ABTB2: variants seen among roughly 807,000 people sequenced by gnomAD.
ABTB2 encodes ankyrin repeat and BTB/POZ domain-containing protein 2.
A neutral mutation model predicts 104.1 loss-of-function variants in ABTB2; 56 were observed. That is an observed-to-expected ratio of 0.54 (90% confidence interval 0.43 to 0.67). The LOEUF is 0.67. ABTB2 is among the 30% of genes least tolerant of loss of function. The pLI is 0.00. For missense variants in ABTB2, 1,279 were observed against 1,407.7 expected (o/e 0.91, Z 1.46); for synonymous variants, 606 against 608.2 (o/e 1.00, Z 0.05).
At chr11:34,159,771 G>T in intron 13 of ABTB2, 135 bp downstream of exon 13, 1 of 720,692 alleles carries the variant, frequency 1.4e-6, no homozygotes, top group Non-Finnish European at 2.4e-6. Flanking sequence ...GTGGGGCTCT[G>T]CTGCAATGTG....
intron 3 of ABTB2, among the ~76,000 whole-genome samples, chr11:34,190,274 A>C (rs867756890): frequency 5.8e-4 from 77 of 131,760 alleles, no homozygotes; most frequent in Middle Eastern, 4.0e-3. Context: ...TGCCCCCCCA[A>C]AAAAAAAAAA....
intron 1 of ABTB2, among the ~76,000 whole-genome samples, chr11:34,343,599 C>T (rs1482612444): frequency 4.0e-5 from 6 of 151,880 alleles, no homozygotes; most frequent in African/African-American, 1.2e-4. Flanking sequence ...CTCAGTCTCC[C>T]GAGTAGCTGG....
chr11:34,208,423 C>A (rs150068512), intron 1 of ABTB2, among the ~76,000 whole-genome samples: 2 of 152,058 alleles, frequency 1.3e-5, no homozygotes, highest in Non-Finnish European at 2.9e-5. Context: ...CGGAGGGAAC[C>A]GCATGCACCA....
chr11:34,330,359 C>T (rs1346028191), intron 1 of ABTB2, among the ~76,000 whole-genome samples: 1 of 152,186 alleles, frequency 6.6e-6, no homozygotes, highest in African/African-American at 2.4e-5. Flanking sequence ...CAGTTTCCTT[C>T]TTTGTAAAAT....
intron 1 of ABTB2, among the ~76,000 whole-genome samples, chr11:34,213,968 T>A (rs1209659460): frequency 6.6e-6 from 1 of 152,146 alleles, no homozygotes; most frequent in Non-Finnish European, 1.5e-5. Flanking sequence ...AAGAACTTAG[T>A]GACCCAGGGA....
intron 1 of ABTB2, among the ~76,000 whole-genome samples, chr11:34,339,298 A>T (rs1199306690): frequency 6.6e-6 from 1 of 152,130 alleles, no homozygotes; most frequent in East Asian, 1.9e-4. Flanking sequence ...TCCGGCAATG[A>T]GTGACTTAAG....
intron 3 of ABTB2, among the ~76,000 whole-genome samples, chr11:34,186,884 T>A (rs577100964): frequency 6.6e-6 from 1 of 152,304 alleles, no homozygotes; most frequent in African/African-American, 2.4e-5. Context: ...CACACCGCTC[T>A]GGGAAAAGGA....
chr11:34,227,566 T>C (rs975643822), intron 1 of ABTB2, among the ~76,000 whole-genome samples: 4 of 152,248 alleles, frequency 2.6e-5, no homozygotes, highest in Admixed American at 2.0e-4. Context: ...CCACATTTTG[T>C]TTATCTATTC....
intron 1 of ABTB2, among the ~76,000 whole-genome samples, chr11:34,354,023 C>T (rs1280569185): frequency 4.6e-5 from 7 of 152,134 alleles, no homozygotes; most frequent in Non-Finnish European, 8.8e-5. Flanking sequence ...ATTCATTGCC[C>T]CTCTACTAAA....
At chr11:34,194,925 C>T (rs982643873) in intron 3 of ABTB2, among the ~76,000 whole-genome samples, 4 of 152,014 alleles carry the variant, frequency 2.6e-5, no homozygotes, top group East Asian at 1.9e-4. Context: ...AACACATGCA[C>T]GTGTGTCTAC....
At chr11:34,275,757 T>C (rs886905126) in intron 1 of ABTB2, among the ~76,000 whole-genome samples, 6 of 152,242 alleles carry the variant, frequency 3.9e-5, no homozygotes, top group Admixed American at 1.3e-4. Context: ...CACAGAACAC[T>C]AAGGAATAAT....
chr11:34,336,056 A>G, intron 1 of ABTB2: 2 of 397,992 alleles, frequency 5.0e-6, no homozygotes, highest in Non-Finnish European at 9.1e-6. Context: ...AAGTTATTCC[A>G]GTCACCACCA....
chr11:34,186,341 A>C (rs1303273362), intron 3 of ABTB2, among the ~76,000 whole-genome samples: 1 of 152,228 alleles, frequency 6.6e-6, no homozygotes, highest in Non-Finnish European at 1.5e-5. Flanking sequence ...GCTGCCTGGC[A>C]GGCAAGTGAG....
chr11:34,259,699 T>C (rs1447129542), intron 1 of ABTB2, among the ~76,000 whole-genome samples: 1 of 152,216 alleles, frequency 6.6e-6, no homozygotes, highest in Admixed American at 6.5e-5. Flanking sequence ...AACCTATCAA[T>C]GGCGTTTCAA....
intron 3 of ABTB2, 45 bp downstream of exon 3, chr11:34,197,280 T>A: frequency 6.3e-7 from 1 of 1,595,828 alleles, no homozygotes. Context: ...AATGCACGTT[T>A]GGGAGCACGT....
In ABTB2 at chr11:34,291,685, G is replaced by A. The variant is rs543423137; in HGVS notation, c.883+65016C>T. Among the ~76,000 whole-genome samples, 6 of 151,980 alleles carry A rather than the reference G, an allele frequency of 3.9e-5. No homozygotes were observed. In the South Asian group the frequency reaches 6.2e-4, roughly 16 times the overall value. On this transcript the variant is annotated intron_variant, in intron 1 of 16. Transcript: ENST00000435224. ...TAATTTTTGTAGTTTTAGTAGAGTC[G>A]GGGTTTCACCATGTTGGCCAGGCTG...
intron 1 of ABTB2, among the ~76,000 whole-genome samples, chr11:34,319,482 C>A (rs1483527855): frequency 2.0e-5 from 3 of 152,132 alleles, no homozygotes; most frequent in Admixed American, 6.6e-5. Context: ...AAGGGAACAG[C>A]CAACATACAC....
At chr11:34,244,964 C>T (rs1046097108) in intron 1 of ABTB2, among the ~76,000 whole-genome samples, 2 of 152,036 alleles carry the variant, frequency 1.3e-5, no homozygotes, top group Admixed American at 1.3e-4. Context: ...GCAGAGATCA[C>T]GCCAGTGCAC....
In ABTB2 at chr11:34,154,841, G is replaced by T. The variant is rs868623660; in HGVS notation, c.2698-72C>A. ...TGAAAGTCCTTGCCAGCCCCACAGG[G>T]TACTGCTCCAGCTGCCGCCTCCAGG... is the stretch of plus-strand genomic sequence containing the variant. On this transcript the variant is annotated intron_variant, in intron 14 of 16. Transcript: ENST00000435224. The surrounding 1 kb of genome is among the most constrained non-coding windows in gnomAD (Gnocchi z 4.9). 1.5e-4 allele frequency: 234 copies of T among 1,512,752 alleles called. 1 individual carries two copies. Among genetic ancestry groups the T allele is most frequent in the Middle Eastern group, 3.4e-4 (2 of 5,820 alleles). The allele number at this position is 1,512,752 out of a possible 1,614,324, so 93.7% of individuals were successfully genotyped here.
Sources: gnomAD v4.1 joint callset for allele counts (sites outside exome capture counted in the v4.1 genomes callset) on GRCh38, gnomAD v4.1.1 for gene constraint, Gnocchi (gnomAD v3.1) non-coding constraint, MANE v1.5 for transcripts, NCBI Gene and HGNC (gene_info 2026-07-23, HGNC 2026-07-21) for gene names.